FAXC: variants seen among roughly 807,000 people sequenced by gnomAD.
FAXC encodes failed axon connections homolog, metaxin like GST domain containing, also known as failed axon connections homolog.
In FAXC, 10 loss-of-function variants were observed where a neutral mutation model predicts 41.9. The ratio of observed to expected loss-of-function variants is 0.24; its 90% CI spans 0.15 to 0.41. The LOEUF (loss-of-function observed/expected upper bound fraction) is 0.41, where lower values mean the gene tolerates loss of function less well. Among genes scored for constraint, FAXC ranks in the 10% least tolerant of loss-of-function variants. The pLI is 1.00. For missense variants in FAXC, 399 were observed against 510.9 expected, an observed-to-expected ratio of 0.78 and a Z score of 2.11; for synonymous variants, 183 against 183.8, an observed-to-expected ratio of 1.00 and a Z score of 0.03.
intron 4 of FAXC, among the ~76,000 whole-genome samples, chr6:99,321,324 A>G (rs1344894134): frequency 6.6e-6 from 1 of 152,192 alleles, no homozygotes; most frequent in Non-Finnish European, 1.5e-5. Context: ...TTTCAACAAA[A>G]AGTAATTTTG....
chr6:99,318,266 C>CAA lies in FAXC; in HGVS notation c.823+5177_823+5178insTT, dbSNP rs1562171342. 6.0e-5 allele frequency among the ~76,000 whole-genome samples: 6 copies of CAA among 100,652 alleles called. 1 individual carries two copies. Among genetic ancestry groups the CAA allele is most frequent in the Non-Finnish European group, 1.2e-4 (6 of 51,434 alleles). 66.0% of individuals were successfully genotyped at this position (100,652 alleles called of 152,430 possible). On this transcript the variant is annotated intron_variant, in intron 4 of 5. Transcript: ENST00000389677. ...AGAGCAAGACTCCGTCTCAAACACACACACACACACACACACACACACACA... is the reference window on the plus strand; with the variant it reads ...AGAGCAAGACTCCGTCTCAAACACACAAACACACACACACACACACACACACA...
chr6:99,310,073 G>C (rs1192123344), intron 4 of FAXC: 1 of 167,226 alleles, frequency 6.0e-6, no homozygotes, highest in East Asian at 1.9e-4. Context: ...TAAGACCAGA[G>C]TTACCTTCAA....
At position 99,318,298 on chromosome 6, in the gene FAXC, C is replaced by A. The variant is rs1164493024; in HGVS notation, c.823+5146G>T. ...ACACACACACACACACACACACACA[C>A]ACACACACAAAATAGAAGAAATGGA... On this transcript the variant is annotated intron_variant, in intron 4 of 5. Transcript: ENST00000389677. 1.8e-3 allele frequency among the ~76,000 whole-genome samples: 244 copies of A among 137,862 alleles called. 2 individuals are homozygous for A. The highest frequency in any genetic ancestry group is 7.6e-3 in the Middle Eastern group (2 of 262). The allele number at this position is 137,862 out of a possible 152,430, so 90.4% of individuals were successfully genotyped here.
At chr6:99,299,289 A>G (rs1048023485) in intron 4 of FAXC, among the ~76,000 whole-genome samples, 5 of 152,204 alleles carry the variant, frequency 3.3e-5, no homozygotes, top group African/African-American at 1.2e-4. Flanking sequence ...GGTCACTGTC[A>G]GCTCCACTTC....
chr6:99,329,830 A>C lies in FAXC; in HGVS notation c.599+3521T>G, dbSNP rs558748519. ...TATGGCCAACCTAGAAGCAAGTTTG[A>C]ATTCACTGTTCTAATGCCTGTGTGT... On this transcript the variant is annotated intron_variant, in intron 3 of 5. Coordinates refer to ENST00000389677, the MANE Select transcript of FAXC (RefSeq NM_032511.4). 4.0e-5 allele frequency among the ~76,000 whole-genome samples: 6 copies of C among 151,044 alleles called. No homozygotes were observed. The East Asian group carries it at 1.2e-3, about 30-fold the overall frequency.
Position 99,311,516 on chromosome 6 carries a change from A to C in FAXC, c.823+11928T>G, listed in dbSNP as rs147667647. Among the ~76,000 whole-genome samples, 25 of 152,354 alleles carry C rather than the reference A, an allele frequency of 1.6e-4. No individual in the cohort carries two copies. The East Asian group carries it at 4.6e-3, about 28-fold the overall frequency. ...CTTGAACTTGGGAGGTGGAGGTTGC[A>C]GTAAGCCAAGATTGTGCCACTGCAC... On this transcript the variant is annotated intron_variant, in intron 4 of 5. Coordinates refer to ENST00000389677, the MANE Select transcript of FAXC (RefSeq NM_032511.4).
chr6:99,309,501 A>G (rs1027969946), intron 4 of FAXC, among the ~76,000 whole-genome samples: 1 of 152,228 alleles, frequency 6.6e-6, no homozygotes, highest in African/African-American at 2.4e-5. Flanking sequence ...TCAGATAGCA[A>G]CAAGGAAAAT....
At chr6:99,348,627 C>A (rs946588632) in intron 1 of FAXC, among the ~76,000 whole-genome samples, 6 of 152,198 alleles carry the variant, frequency 3.9e-5, no homozygotes, top group Non-Finnish European at 5.9e-5. Context: ...GCATCTTTAA[C>A]AGGGACCCGC....
rs1022715327 is a variant in FAXC at position 99,278,210 on chromosome 6, T to C, written c.*2954A>G. 3.3e-5 allele frequency: 5 copies of C among 152,214 alleles called. No individual in the cohort carries two copies. Among genetic ancestry groups the C allele is most frequent in the Non-Finnish European group, 5.9e-5 (4 of 68,044 alleles). 9.4% of individuals were successfully genotyped at this position (152,214 alleles called of 1,614,324 possible). A position where few individuals can be genotyped will look rare whatever the true frequency, so the allele number is the denominator to read the frequency against. ...TAAATGCTGACAATATAGTTCATCA[T>C]TGCATAAATATAGATTGTCCTTATA... On this transcript the variant is annotated 3_prime_UTR_variant, in exon 6 of 6. Coordinates refer to ENST00000389677, the MANE Select transcript of FAXC (RefSeq NM_032511.4).
intron 2 of FAXC, among the ~76,000 whole-genome samples, chr6:99,337,819 C>T (rs1773269294): frequency 6.6e-6 from 1 of 152,018 alleles, no homozygotes; most frequent in Admixed American, 6.6e-5. Context: ...CTTTTGATTT[C>T]CTAACTAATG....
At chr6:99,287,678 C>T (rs1771076607) in intron 5 of FAXC, among the ~76,000 whole-genome samples, 1 of 152,216 alleles carries the variant, frequency 6.6e-6, no homozygotes, top group Admixed American at 6.5e-5. Context: ...GAATCCGAGC[C>T]ACTTACATGC....
At chr6:99,327,486 T>C (rs754590478) in intron 3 of FAXC, among the ~76,000 whole-genome samples, 4 of 152,190 alleles carry the variant, frequency 2.6e-5, no homozygotes, top group Admixed American at 6.5e-5. Context: ...CTCTCTAAAG[T>C]ATCTGACACT....
intron 4 of FAXC, among the ~76,000 whole-genome samples, chr6:99,293,259 C>T (rs1012588582): frequency 2.0e-5 from 3 of 152,212 alleles, no homozygotes; most frequent in African/African-American, 7.2e-5. Flanking sequence ...TCATTCCTCC[C>T]TTATCCTAGC....
Position 99,281,094 on chromosome 6 carries a change from T to C in FAXC, c.*70A>G. On this transcript the variant is annotated 3_prime_UTR_variant, in exon 6 of 6. Transcript: ENST00000389677. ...AGATCTCCTCCCAGCTCGGATGGATTGCTACCTGGGAAAATGGACCGACCC... is the reference window on the plus strand; with the variant it reads ...AGATCTCCTCCCAGCTCGGATGGATCGCTACCTGGGAAAATGGACCGACCC... The C allele has an allele frequency of 1.3e-6, 1 of 770,372 alleles. No individual in the cohort carries two copies. The allele number at this position is 770,372 out of a possible 1,614,324, so 47.7% of individuals were successfully genotyped here.
rs1468019462 is a variant in FAXC, at chr6:99,272,513, T to C, written c.*8651A>G. On this transcript the variant is annotated 3_prime_UTR_variant, in exon 6 of 6. Coordinates refer to ENST00000389677, the MANE Select transcript of FAXC (RefSeq NM_032511.4). Reference sequence around the variant, plus strand: ...ATTTATACAAGGGGAAATTGGTCTATTATAAGGCCTAGCCATAGTAAAGGT... The same window carrying C: ...ATTTATACAAGGGGAAATTGGTCTACTATAAGGCCTAGCCATAGTAAAGGT... 6.6e-6 allele frequency: 1 copy of C among 152,212 alleles called. No individual in the cohort carries two copies. The highest frequency in any genetic ancestry group is 1.5e-5 in the Non-Finnish European group (1 of 68,068). 9.4% of individuals were successfully genotyped at this position (152,212 alleles called of 1,614,324 possible). A position where few individuals can be genotyped will look rare whatever the true frequency, so the allele number is the denominator to read the frequency against.
intron 4 of FAXC, among the ~76,000 whole-genome samples, chr6:99,306,509 A>G (rs771131036): frequency 6.6e-6 from 1 of 152,132 alleles, no homozygotes; most frequent in East Asian, 1.9e-4. Flanking sequence ...TCTAGAAAAC[A>G]GCTGGGATAA....
chr6:99,292,204 A>G (rs140856848), intron 4 of FAXC, among the ~76,000 whole-genome samples: 28 of 152,314 alleles, frequency 1.8e-4, no homozygotes, highest in Middle Eastern at 6.8e-3. Context: ...AACCCAAAGC[A>G]AGCAAAGCCA....
chr6:99,292,357 T>G (rs1258601579), intron 4 of FAXC, among the ~76,000 whole-genome samples: 1 of 152,190 alleles, frequency 6.6e-6, no homozygotes, highest in Non-Finnish European at 1.5e-5. Flanking sequence ...TCAGCTTCCA[T>G]GGAAAACAAT....
chr6:99,326,444 C>A (rs1772805964), intron 3 of FAXC, among the ~76,000 whole-genome samples: 1 of 152,032 alleles, frequency 6.6e-6, no homozygotes, highest in East Asian at 1.9e-4. Context: ...ATACCAGTAA[C>A]CAATACTAGA....
Sources: gnomAD v4.1 joint callset for allele counts (sites outside exome capture counted in the v4.1 genomes callset) on GRCh38, gnomAD v4.1.1 for gene constraint, MANE v1.5 for transcripts, NCBI Gene and HGNC (gene_info 2026-07-23, HGNC 2026-07-21) for gene names.